Variants in ZNF468 observed in about 807,000 individuals in gnomAD.
The protein encoded by ZNF468 is zinc finger protein ZNF468.
Under a neutral mutation model 7.2 loss-of-function variants are expected in ZNF468, and 8 were observed. The ratio of observed to expected loss-of-function variants is 1.11; its 90% CI spans 0.65 to 2.01. The LOEUF is 2.01. Ranked by LOEUF, ZNF468 falls within the 30% of genes most tolerant of loss-of-function variation. The probability of loss-of-function intolerance (pLI) is 0.00; values close to 1 mark genes in which losing one functional copy is unlikely to be tolerated. For missense variants in ZNF468, 608 were observed against 626.5 expected (o/e 0.97, Z 0.31); for synonymous variants, 218 against 214.4 (o/e 1.02, Z -0.15).
At chr19:52,854,170 G>A in intron 2 of ZNF468, 88 bp downstream of exon 2, 2 of 1,607,580 alleles carry the variant, frequency 1.2e-6, no homozygotes, top group Non-Finnish European at 1.7e-6. Flanking sequence ...TGTCAGGCAG[G>A]TCATTCAGAC....
At chr19:52,849,366 C>A (rs2063366102) in intron 2 of ZNF468, 153 bp from the exon 3 acceptor site, 2 of 1,427,324 alleles carry the variant, frequency 1.4e-6, no homozygotes, top group African/African-American at 1.4e-5. Context: ...TGATGTCTCC[C>A]CAGATGTATT....
intron 2 of ZNF468, among the ~76,000 whole-genome samples, chr19:52,850,025 G>T (rs939241868): frequency 6.6e-6 from 1 of 151,784 alleles, no homozygotes; most frequent in East Asian, 1.9e-4. Flanking sequence ...GAATACAAAG[G>T]GTTGTCATTT....
In ZNF468 at chr19:52,856,719, T is replaced by A. The variant is rs2063443432; in HGVS notation, c.-74+853A>T. ...TTGCTGTCCTTCATCTCTCTGTACA[T>A]CTAGCTTTTCTCTACATTTCTCCAG... On this transcript the variant is annotated intron_variant, in intron 1 of 3. Coordinates refer to ENST00000595646, the MANE Select transcript of ZNF468 (RefSeq NM_001008801.2). Among the ~76,000 whole-genome samples the A allele has an allele frequency of 1.3e-5, 2 of 148,394 alleles. 1 individual carries two copies.
Position 52,841,128 on chromosome 19 carries a change from TCA to T in ZNF468, c.1164_1165del (p.Cys388Ter). The T allele has an allele frequency of 6.2e-7, 1 of 1,613,622 alleles. No homozygotes were observed. The highest frequency in any genetic ancestry group is 8.5e-7 in the Non-Finnish European group (1 of 1,179,858). ...GTGTGATTTGCGACTGAAAACTTTG[TCA>T]CACTCTTCACATTTGTAAGGTTTCT... On this transcript the variant is annotated stop_gained and frameshift_variant, in exon 4 of 4. Coordinates refer to ENST00000595646, the MANE Select transcript of ZNF468 (RefSeq NM_001008801.2). LOFTEE classifies it low-confidence loss of function (END_TRUNC).
chr19:52,850,585 G>A (rs1166869175), intron 2 of ZNF468, among the ~76,000 whole-genome samples: 1 of 151,438 alleles, frequency 6.6e-6, no homozygotes, highest in Non-Finnish European at 1.5e-5. Flanking sequence ...GGAGCGGGGA[G>A]GAAGGAGAGG....
Position 52,839,805 on chromosome 19 carries a change from T to A in ZNF468, c.*920A>T, listed in dbSNP as rs571762606. Reference sequence around the variant, plus strand: ...ACATTTATAAGGTTTCTCTCCAGCATGAGTTCACCAGTGAAATGCAAGGCA... The same window carrying A: ...ACATTTATAAGGTTTCTCTCCAGCAAGAGTTCACCAGTGAAATGCAAGGCA... On this transcript the variant is annotated 3_prime_UTR_variant, in exon 4 of 4. Coordinates refer to ENST00000595646, the MANE Select transcript of ZNF468 (RefSeq NM_001008801.2). 7.9e-6 allele frequency: 4 copies of A among 507,248 alleles called. No individual in the cohort carries two copies. The East Asian group carries it at 2.2e-4, about 27-fold the overall frequency. The allele number at this position is 507,248 out of a possible 1,614,324, so 31.4% of individuals were successfully genotyped here.
At chr19:52,844,027 C>A (rs62117472) in intron 3 of ZNF468, among the ~76,000 whole-genome samples, 33,352 of 151,990 alleles carry the variant, frequency 0.22, 4,102 homozygotes, top group South Asian at 0.36. Flanking sequence ...GAATCTGAGG[C>A]AGGAAACATT....
chr19:52,849,322 T>G, intron 2 of ZNF468, 109 bp from the exon 3 acceptor site: 1 of 1,570,134 alleles, frequency 6.4e-7, no homozygotes, highest in Non-Finnish European at 8.6e-7. Flanking sequence ...TAGAGAATGT[T>G]CTGACAAATC....
chr19:52,842,069 G>C lies in ZNF468; in HGVS notation c.225C>G (p.His75Gln), dbSNP rs1197647464. The C allele has an allele frequency of 4.3e-6, 7 of 1,613,782 alleles. No homozygotes were observed. The highest frequency in any genetic ancestry group is 5.9e-6 in the Non-Finnish European group (7 of 1,179,940). Residue 75 changes from histidine (H) to glutamine (Q), a missense_variant, in exon 4 of 4, where the codon CAC becomes CAG. Physicochemically the swap from His to Gln is conservative, Grantham distance 24. Transcript: ENST00000595646. ...CTCCAATGTGATGACTTGCTTGTCT[G>C]TGCAATGTCCCTGTGTGGATCACTT... ...NTEVIHTGTL[H>Q]RQASHHIGEF...
At chr19:52,848,551 G>T (rs528413372) in intron 3 of ZNF468, among the ~76,000 whole-genome samples, 1 of 152,120 alleles carries the variant, frequency 6.6e-6, no homozygotes, top group East Asian at 1.9e-4. Flanking sequence ...CTGCCATAAG[G>T]TTTTGTTTTT....
intron 2 of ZNF468, 33 bp downstream of exon 2, chr19:52,854,225 A>G (rs115993467): frequency 6.2e-7 from 1 of 1,613,604 alleles, no homozygotes; most frequent in Non-Finnish European, 8.5e-7. Context: ...GAAAGGAAGG[A>G]GACAGAACAA....
chr19:52,844,704 A>T (rs1303367235), intron 3 of ZNF468, among the ~76,000 whole-genome samples: 2 of 152,062 alleles, frequency 1.3e-5, no homozygotes, highest in East Asian at 3.9e-4. Context: ...ATGCACAGCT[A>T]ATTTTTGCAT....
chr19:52,841,248 T>G lies in ZNF468; in HGVS notation c.1046A>C (p.His349Pro), dbSNP rs1275727208. 5 of 1,613,918 alleles carry G rather than the reference T, an allele frequency of 3.1e-6. No individual in the cohort carries two copies. Among genetic ancestry groups the G allele is most frequent in the Middle Eastern group, 1.6e-4 (1 of 6,062 alleles). Reference sequence around the variant, plus strand: ...ACATGTGTAAGGTTTCTCTCCAGTGTGAAGTATAGTATGTTTTGCCAGATA... The same window carrying G: ...ACATGTGTAAGGTTTCTCTCCAGTGGGAAGTATAGTATGTTTTGCCAGATA... Reference protein sequence around the residue: ...NSYLAKHTILHTGEKPYTCNE... With the variant: ...NSYLAKHTILPTGEKPYTCNE... Residue 349 changes from histidine to proline, a missense_variant, in exon 4 of 4, where the codon CAC (histidine) becomes CCC (proline). Physicochemically the swap from His to Pro is moderately conservative, Grantham distance 77. Transcript: ENST00000595646.
In ZNF468 at chr19:52,841,552, A is replaced by G. The variant is rs1481897393; in HGVS notation, c.742T>C (p.Cys248Arg). 6.2e-7 allele frequency: 1 copy of G among 1,614,160 alleles called. No homozygotes were observed. Among genetic ancestry groups the G allele is most frequent in the South Asian group, 1.1e-5 (1 of 91,062 alleles). The change falls in exon 4 of 4, where the codon TGT becomes CGT. Residue 248 changes from cysteine (C) to arginine (R), a missense_variant. Transcript: ENST00000595646. ...CGCTTCTGATTAAAGACCTTGCCAC[A>G]TACATCACATTTACATTGTTTCTCT... is the stretch of plus-strand genomic sequence containing the variant. ...LEEKQCKCDVCGKVFNQKRYL... is the reference protein window; with the variant it reads ...LEEKQCKCDVRGKVFNQKRYL...
intron 2 of ZNF468, among the ~76,000 whole-genome samples, chr19:52,852,301 G>A (rs1200009452): frequency 6.6e-6 from 1 of 152,030 alleles, no homozygotes; most frequent in Non-Finnish European, 1.5e-5. Context: ...AGGAGGCAGA[G>A]GTTTCAGTGA....
At chr19:52,845,685 A>C (rs190007750) in intron 3 of ZNF468, among the ~76,000 whole-genome samples, 22 of 151,606 alleles carry the variant, frequency 1.5e-4, no homozygotes, top group East Asian at 5.8e-4. Flanking sequence ...AACTAACTAA[A>C]TAAATAAAGT....
chr19:52,840,076 A>T lies in ZNF468; in HGVS notation c.*649T>A, dbSNP rs1302099096. 9 of 996,072 alleles carry T rather than the reference A, an allele frequency of 9.0e-6. No homozygotes were observed. Among genetic ancestry groups the T allele is most frequent in the Non-Finnish European group, 1.3e-5 (9 of 715,402 alleles). The allele number at this position is 996,072 out of a possible 1,614,324, so 61.7% of individuals were successfully genotyped here. On this transcript the variant is annotated 3_prime_UTR_variant, in exon 4 of 4. Transcript: ENST00000595646. Reference sequence around the variant, plus strand: ...AGTGTGAATTCTAGTATGGGGTGCCACGTGTGAATCATTCCCGAAAGCCTT... The same window carrying T: ...AGTGTGAATTCTAGTATGGGGTGCCTCGTGTGAATCATTCCCGAAAGCCTT...
chr19:52,842,598 C>T (rs1375246161), intron 3 of ZNF468, among the ~76,000 whole-genome samples: 3 of 151,726 alleles, frequency 2.0e-5, no homozygotes, highest in African/African-American at 7.3e-5. Context: ...TAAGAATAAC[C>T]AAAATTAGTG....
At position 52,854,351 on chromosome 19, in the gene ZNF468, T is replaced by C. The variant is rs1305853772; in HGVS notation, c.-73-6A>G. 2.5e-6 allele frequency: 4 copies of C among 1,606,832 alleles called. No homozygotes were observed. Among genetic ancestry groups the C allele is most frequent in the Admixed American group, 1.7e-5 (1 of 59,884 alleles). ...ACAGTCTTTAGAAGTCAATCCTGAA[T>C]GTTAAAAATATGTTGTTTATCACTC... On this transcript the variant is annotated splice_polypyrimidine_tract_variant and splice_region_variant and intron_variant, in intron 1 of 3. Coordinates refer to ENST00000595646, the MANE Select transcript of ZNF468 (RefSeq NM_001008801.2).
Sources: gnomAD v4.1 joint callset for allele counts (sites outside exome capture counted in the v4.1 genomes callset) on GRCh38, gnomAD v4.1.1 for gene constraint, MANE v1.5 for transcripts, NCBI Gene and HGNC (gene_info 2026-07-23, HGNC 2026-07-21) for gene names.